Variants in DISC1 observed in about 807,000 individuals in gnomAD.
DISC1 encodes disrupted in schizophrenia 1 protein.
DISC1 carries 57 observed loss-of-function variants against 84.5 expected under a neutral mutation model. The ratio of observed to expected loss-of-function variants is 0.67; its 90% CI spans 0.55 to 0.84. The LOEUF (loss-of-function observed/expected upper bound fraction) is 0.84. Ranked by LOEUF, DISC1 falls within the 40% of genes least tolerant of loss-of-function variation. DISC1 has a pLI of 0.00. For synonymous variants in DISC1, 411 were observed against 415.2 expected (o/e 0.99, Z 0.12); for missense variants, 1,000 against 1,057.8 (o/e 0.95, Z 0.76).
At chr1:231,631,124 A>G (rs1179818804) in intron 1 of DISC1, among the ~76,000 whole-genome samples, 2 of 152,218 alleles carry the variant, frequency 1.3e-5, no homozygotes, top group Non-Finnish European at 1.5e-5. Context: ...ACTTATTGTC[A>G]GATGAAGCTT....
At chr1:231,906,103 A>G (rs1308498583) in intron 9 of DISC1, among the ~76,000 whole-genome samples, 1 of 144,696 alleles carries the variant, frequency 6.9e-6, no homozygotes, top group Non-Finnish European at 1.5e-5. Context: ...GCTCACCGCA[A>G]CCTCTGCCTC....
At chr1:231,741,313 T>C (rs565198010) in intron 3 of DISC1, among the ~76,000 whole-genome samples, 1 of 152,300 alleles carries the variant, frequency 6.6e-6, no homozygotes, top group East Asian at 1.9e-4. Context: ...TCTTGCTAGG[T>C]AGGTAGGCAG....
chr1:231,958,813 CT>C lies in DISC1; in HGVS notation c.1982-8del, dbSNP rs754821009. On this transcript the variant is annotated splice_polypyrimidine_tract_variant and intron_variant, in intron 9 of 12. Coordinates refer to ENST00000439617, the MANE Select transcript of DISC1 (RefSeq NM_018662.3). ...TGCAGTTGCATTAACTTTGGATTTC[CT>C]TTTTTTCCCCCAGAAACAAGTGTGA... 2.3e-5 allele frequency: 37 copies of C among 1,611,730 alleles called. 1 individual carries two copies. Among genetic ancestry groups the C allele is most frequent in the South Asian group, 2.2e-4 (20 of 90,348 alleles).
chr1:231,681,103 G>C (rs189055239), intron 1 of DISC1, among the ~76,000 whole-genome samples: 130 of 152,312 alleles, frequency 8.5e-4, no homozygotes, highest in African/African-American at 3.1e-3. Flanking sequence ...CACCCTTGAG[G>C]GGGGCTCAGA....
intron 1 of DISC1, among the ~76,000 whole-genome samples, chr1:231,640,531 T>A (rs2059554103): frequency 6.7e-6 from 1 of 148,560 alleles, no homozygotes. Flanking sequence ...CCTTGGTATT[T>A]TTTTTTTTTT....
At chr1:231,693,384 C>T (rs939920003) in intron 1 of DISC1, among the ~76,000 whole-genome samples, 4 of 152,184 alleles carry the variant, frequency 2.6e-5, no homozygotes, top group Non-Finnish European at 5.9e-5. Context: ...ACATGTTCAA[C>T]GAATAGCTAG....
intron 3 of DISC1, among the ~76,000 whole-genome samples, chr1:231,705,207 G>C (rs2066911422): frequency 7.0e-6 from 1 of 142,100 alleles, no homozygotes; most frequent in Non-Finnish European, 1.5e-5. Flanking sequence ...AGAATCGCTT[G>C]AACCCGGGAG....
intron 9 of DISC1, among the ~76,000 whole-genome samples, chr1:231,947,316 A>G (rs946911932): frequency 6.6e-6 from 1 of 152,176 alleles, no homozygotes; most frequent in African/African-American, 2.4e-5. Context: ...ATCTACAACC[A>G]TCTGATCTTT....
At chr1:231,863,220 CTTTTTTTTTTTTTTTT>C (rs533463099) in intron 9 of DISC1, among the ~76,000 whole-genome samples, 9 of 54,770 alleles carry the variant, frequency 1.6e-4, no homozygotes, top group East Asian at 6.6e-4. Flanking sequence ...ATAAAATGTT[CTTTTTTTTTTTTTTTT>C]TTTTTTTTTT....
Position 232,009,618 on chromosome 1 carries a change from A to G in DISC1, c.2307+569A>G, listed in dbSNP as rs1001177651. On this transcript the variant is annotated intron_variant, in intron 11 of 12. Coordinates refer to ENST00000439617, the MANE Select transcript of DISC1 (RefSeq NM_018662.3). This position sits in a 1 kb window ranked among gnomAD's most constrained non-coding sequence, Gnocchi z 4.6. ...AAACACAACTAAAGTTTGGCCTGAG[A>G]TATATGTATTACAAATTAAAATATG... is the stretch of plus-strand genomic sequence containing the variant. The G allele has an allele frequency of 8.9e-6, 8 of 895,722 alleles. No individual in the cohort carries two copies. The highest frequency in any genetic ancestry group is 1.1e-5 in the Non-Finnish European group (8 of 748,444). The allele number at this position is 895,722 out of a possible 1,614,324, so 55.5% of individuals were successfully genotyped here.
intron 9 of DISC1, among the ~76,000 whole-genome samples, chr1:231,917,584 G>A (rs1050949651): frequency 5.9e-5 from 9 of 152,160 alleles, no homozygotes; most frequent in African/African-American, 2.2e-4. Context: ...TACATAGAAC[G>A]AGTGAGCGCC....
chr1:231,696,332 G>C lies in DISC1; in HGVS notation c.1047+1527G>C, dbSNP rs189053138. Among the ~76,000 whole-genome samples the C allele has an allele frequency of 2.1e-4, 32 of 152,334 alleles. No homozygotes were observed. The East Asian group carries it at 5.8e-3, about 28-fold the overall frequency. On this transcript the variant is annotated intron_variant, in intron 2 of 12. Coordinates refer to ENST00000439617, the MANE Select transcript of DISC1 (RefSeq NM_018662.3). ...GTGATCATATGTGCAAAGTGCTTCA[G>C]ACAGGGCCTGGCATCTAGCAAGTAC...
intron 1 of DISC1, among the ~76,000 whole-genome samples, chr1:231,629,893 G>A (rs2058566606): frequency 6.6e-6 from 1 of 152,106 alleles, no homozygotes; most frequent in Non-Finnish European, 1.5e-5. Context: ...TTTGATGCAG[G>A]ACCTTCAGAG....
At chr1:232,022,951 T>C (rs964861637) in intron 11 of DISC1, among the ~76,000 whole-genome samples, 3 of 152,092 alleles carry the variant, frequency 2.0e-5, no homozygotes, top group Admixed American at 6.6e-5. Flanking sequence ...GCCAGACAGA[T>C]CTTCTCTTAG....
intron 9 of DISC1, among the ~76,000 whole-genome samples, chr1:231,952,691 T>TTATATATATATA (rs60722025): frequency 1.4e-5 from 2 of 141,838 alleles, no homozygotes; most frequent in Admixed American, 7.1e-5. Flanking sequence ...ATATATATGT[T>TTATATATATATA]TATATATATA....
At chr1:231,798,130 C>CACACACACACACACACACAT (rs1269185858) in intron 7 of DISC1, among the ~76,000 whole-genome samples, 1 of 151,360 alleles carries the variant, frequency 6.6e-6, no homozygotes, top group African/African-American at 2.4e-5. Context: ...CACACACACA[C>CACACACACACACACACACAT]ACACATACAC....
intron 6 of DISC1, among the ~76,000 whole-genome samples, chr1:231,784,422 G>A (rs1405156869): frequency 2.0e-5 from 3 of 152,204 alleles, no homozygotes; most frequent in Non-Finnish European, 4.4e-5. Flanking sequence ...GAGTCATGAT[G>A]TGATGTATAT....
intron 10 of DISC1, among the ~76,000 whole-genome samples, chr1:232,006,070 C>A (rs1034696860): frequency 6.6e-6 from 1 of 152,176 alleles, no homozygotes. Flanking sequence ...ACAGTCACTC[C>A]TTTCTATTAT....
chr1:231,931,660 T>TTA (rs5781679), intron 9 of DISC1, among the ~76,000 whole-genome samples: 1 of 151,128 alleles, frequency 6.6e-6, no homozygotes, highest in African/African-American at 2.4e-5. Flanking sequence ...TTTTTTTTTT[T>TTA]GTCTTTGAGA....
Sources: gnomAD v4.1 joint callset for allele counts (sites outside exome capture counted in the v4.1 genomes callset) on GRCh38, gnomAD v4.1.1 for gene constraint, Gnocchi (gnomAD v3.1) non-coding constraint, MANE v1.5 for transcripts, NCBI Gene and HGNC (gene_info 2026-07-23, HGNC 2026-07-21) for gene names.